Variants in IGFBPL1 observed in about 807,000 individuals in gnomAD.
The protein encoded by IGFBPL1 is insulin like growth factor binding protein like 1, also known as insulin-like growth factor-binding protein-like 1.
IGFBPL1 carries 20 observed loss-of-function variants against 23.9 expected under a neutral mutation model. The observed-to-expected ratio is 0.84, with a 90% CI of 0.59 to 1.22. The LOEUF is 1.22. Among genes scored for constraint, IGFBPL1 ranks in the 50% most tolerant of loss-of-function variants. The pLI, the probability that IGFBPL1 is intolerant of heterozygous loss-of-function variation, is 0.00. For missense variants in IGFBPL1, 436 were observed against 379.3 expected, an observed-to-expected ratio of 1.15 and a Z score of -1.24; for synonymous variants, 184 against 171.8, an observed-to-expected ratio of 1.07 and a Z score of -0.56.
At position 38,424,013 on chromosome 9, in the gene IGFBPL1, C is replaced by T. The variant is rs1821721081; in HGVS notation, c.412G>A (p.Ala138Thr). The change falls in exon 1 of 5, where the codon GCG becomes ACG. Residue 138 changes from alanine (A) to threonine (T), a missense_variant. Ala to Thr is a moderately conservative substitution (Grantham distance 58). Transcript: ENST00000377694. Reference protein sequence around the residue: ...LRLRARHTPRAHPGHLHKARD... With the variant: ...LRLRARHTPRTHPGHLHKARD... ...GCCTTGTGCAGGTGACCGGGGTGCG[C>T]GCGGGGCGTGTGCCGAGCGCGCAGG... 7.1e-7 allele frequency: 1 copy of T among 1,409,102 alleles called. No homozygotes were observed. Among genetic ancestry groups the T allele is most frequent in the Non-Finnish European group, 9.2e-7 (1 of 1,091,942 alleles). 87.3% of individuals were successfully genotyped at this position (1,409,102 alleles called of 1,614,324 possible). A position where few individuals can be genotyped will look rare whatever the true frequency, so the allele number is the denominator to read the frequency against.
chr9:38,419,586 G>A (rs998761100), intron 1 of IGFBPL1, among the ~76,000 whole-genome samples: 1 of 152,046 alleles, frequency 6.6e-6, no homozygotes. Context: ...TGCTGGCCGG[G>A]ACCCTGTTCC....
At position 38,407,666 on chromosome 9, in the gene IGFBPL1, G is replaced by C. The variant is rs1298180597; in HGVS notation, c.*1561C>G. Among the ~76,000 whole-genome samples the C allele has an allele frequency of 2.0e-5, 3 of 151,796 alleles. No homozygotes were observed. Among genetic ancestry groups the C allele is most frequent in the Non-Finnish European group, 2.9e-5 (2 of 68,050 alleles). The stretch of plus-strand genomic sequence containing the variant: ...CCCTGAGTAGCAGCACCGTGGAGTA[G>C]AGAGGGGACCAAGGAGGGCCAGGTG... On this transcript the variant is annotated 3_prime_UTR_variant, in exon 5 of 5. Coordinates refer to ENST00000377694, the MANE Select transcript of IGFBPL1 (RefSeq NM_001007563.3).
chr9:38,413,987 TAAAAG>T (rs1161699962), intron 2 of IGFBPL1, 102 bp downstream of exon 2: 53 of 746,436 alleles, frequency 7.1e-5, no homozygotes, highest in Non-Finnish European at 2.3e-5. Context: ...TAAACACACT[TAAAAG>T]AAAAACATTT....
At chr9:38,410,113 T>C (rs1821489868) in intron 4 of IGFBPL1, among the ~76,000 whole-genome samples, 1 of 152,152 alleles carries the variant, frequency 6.6e-6, no homozygotes, top group Non-Finnish European at 1.5e-5. Flanking sequence ...GTTTCTAATT[T>C]TTCCTGTTCT....
At chr9:38,420,228 T>A (rs1263578595) in intron 1 of IGFBPL1, among the ~76,000 whole-genome samples, 1 of 152,140 alleles carries the variant, frequency 6.6e-6, no homozygotes, top group East Asian at 1.9e-4. Flanking sequence ...CTCTGGGGTG[T>A]CATCTCCTTT....
At chr9:38,413,173 G>A in intron 3 of IGFBPL1, 64 bp downstream of exon 3, 1 of 1,085,360 alleles carries the variant, frequency 9.2e-7, no homozygotes, top group Non-Finnish European at 1.4e-6. Context: ...GTAATGTGTT[G>A]TAGAAATATA....
chr9:38,416,182 T>C (rs1301069340), intron 1 of IGFBPL1, among the ~76,000 whole-genome samples: 1 of 152,220 alleles, frequency 6.6e-6, no homozygotes, highest in East Asian at 1.9e-4. Context: ...CTCGCTGTGG[T>C]GACAGTCAGA....
chr9:38,424,074 G>C lies in IGFBPL1; in HGVS notation c.351C>G (p.Ser117=). 2 of 1,396,362 alleles carry C rather than the reference G, an allele frequency of 1.4e-6. No homozygotes were observed. The highest frequency in any genetic ancestry group is 1.9e-4 in the Middle Eastern group (1 of 5,350). The allele number at this position is 1,396,362 out of a possible 1,614,324, so 86.5% of individuals were successfully genotyped here. A position where few individuals can be genotyped will look rare whatever the true frequency, so the allele number is the denominator to read the frequency against. Residue 117 remains serine, a synonymous_variant, in exon 1 of 5, where the codon TCC becomes TCG. Coordinates refer to ENST00000377694, the MANE Select transcript of IGFBPL1 (RefSeq NM_001007563.3). ...AGACGCTGGGGTACGAGCGACCGTC[G>C]GAGCCGCAGACGGTGCCGCGCTGCG... The part of the protein sequence containing the change: ...VCAQRGTVCG[S]DGRSYPSVCA...
At position 38,408,216 on chromosome 9, in the gene IGFBPL1, C is replaced by T. The variant is rs1039871245; in HGVS notation, c.*1011G>A. Among the ~76,000 whole-genome samples, 6 of 143,114 alleles carry T rather than the reference C, an allele frequency of 4.2e-5. No individual in the cohort carries two copies. The highest frequency in any genetic ancestry group is 1.6e-4 in the African/African-American group (6 of 38,282). 93.9% of individuals were successfully genotyped at this position (143,114 alleles called of 152,430 possible). A position where few individuals can be genotyped will look rare whatever the true frequency, so the allele number is the denominator to read the frequency against. On this transcript the variant is annotated 3_prime_UTR_variant, in exon 5 of 5. Transcript: ENST00000377694. The stretch of plus-strand genomic sequence containing the variant: ...ATCATTTGAGCATAGGAATTTGAGA[C>T]CAGCCTGGGCGGCAACATAGGGAGA...
At chr9:38,421,459 C>T (rs755777591) in intron 1 of IGFBPL1, among the ~76,000 whole-genome samples, 11 of 152,018 alleles carry the variant, frequency 7.2e-5, no homozygotes, top group Non-Finnish European at 1.6e-4. Flanking sequence ...AACTGCTTCC[C>T]CAGGCTCCTC....
At position 38,414,103 on chromosome 9, in the gene IGFBPL1, C is replaced by A; in HGVS notation, c.561G>T (p.Thr187=). Residue 187 remains threonine, a synonymous_variant, in exon 2 of 5, where the codon ACG becomes ACT. Transcript: ENST00000377694. The part of the protein sequence containing the change: ...EVRAVPTPVI[T]WRKVTKSPEG... ...TCTTGGACAGAAATACCTTTCTCCA[C>A]GTGATGACTGGGGTAGGCACAGCCC... 1.2e-6 allele frequency: 2 copies of A among 1,601,978 alleles called. No homozygotes were observed. Among genetic ancestry groups the A allele is most frequent in the Non-Finnish European group, 1.7e-6 (2 of 1,170,288 alleles).
chr9:38,419,687 G>A (rs576877124), intron 1 of IGFBPL1, among the ~76,000 whole-genome samples: 1 of 152,222 alleles, frequency 6.6e-6, no homozygotes, highest in South Asian at 2.1e-4. Context: ...TGCACACACT[G>A]AACTATCCAG....
intron 2 of IGFBPL1, 68 bp from the exon 3 acceptor site, chr9:38,413,421 G>C: frequency 9.9e-7 from 1 of 1,006,068 alleles, no homozygotes; most frequent in Non-Finnish European, 1.6e-6. Flanking sequence ...CATCCCATAG[G>C]CTTCCTTGCC....
intron 3 of IGFBPL1, 104 bp downstream of exon 3, chr9:38,413,133 G>A (rs1821536639): frequency 1.2e-6 from 1 of 804,288 alleles, no homozygotes; most frequent in Non-Finnish European, 2.1e-6. Context: ...AGGGGCCAGT[G>A]AGAAATGGGT....
chr9:38,418,176 C>T (rs578157637), intron 1 of IGFBPL1, among the ~76,000 whole-genome samples: 1 of 152,206 alleles, frequency 6.6e-6, no homozygotes, highest in Non-Finnish European at 1.5e-5. Context: ...CTACTATCCC[C>T]AAGGGCTCAT....
Position 38,407,834 on chromosome 9 carries a change from T to A in IGFBPL1, c.*1393A>T, listed in dbSNP as rs546663284. ...CTCCCAGAGTTGGGATCAAGCTTTA[T>A]GAACTTAAAGGACTGTGCATAGTAA... On this transcript the variant is annotated 3_prime_UTR_variant, in exon 5 of 5. Coordinates refer to ENST00000377694, the MANE Select transcript of IGFBPL1 (RefSeq NM_001007563.3). 1.3e-5 allele frequency among the ~76,000 whole-genome samples: 2 copies of A among 152,366 alleles called. No individual in the cohort carries two copies. Among genetic ancestry groups the A allele is most frequent in the Admixed American group, 1.3e-4 (2 of 15,310 alleles).
intron 4 of IGFBPL1, 103 bp downstream of exon 4, chr9:38,411,288 C>T: frequency 1.0e-6 from 1 of 998,070 alleles, no homozygotes; most frequent in South Asian, 1.7e-5. Context: ...CCCTGGTTTC[C>T]TCCATTTACG....
intron 1 of IGFBPL1, among the ~76,000 whole-genome samples, chr9:38,415,630 G>A (rs1821590303): frequency 6.6e-6 from 1 of 152,192 alleles, no homozygotes; most frequent in African/African-American, 2.4e-5. Context: ...GCCTGACCAC[G>A]TATGACATGC....
At chr9:38,422,159 A>G (rs75343533) in intron 1 of IGFBPL1, among the ~76,000 whole-genome samples, 1,605 of 152,320 alleles carry the variant, frequency 0.011, 34 homozygotes, top group African/African-American at 0.036. Context: ...GTCCTGTGCC[A>G]AAAGAGCACT....
Sources: allele counts gnomAD v4.1 joint callset (sites outside exome capture counted in the v4.1 genomes callset), GRCh38; gene constraint gnomAD v4.1.1; transcripts MANE v1.5; gene names NCBI Gene and HGNC (gene_info 2026-07-23, HGNC 2026-07-21).